The following ZNF804B variants were observed in gnomAD, a reference collection of about 807,000 sequenced individuals.
The protein encoded by ZNF804B is zinc finger protein 804B.
ZNF804B carries 80 observed loss-of-function variants against 101.4 expected under a neutral mutation model. That is an observed-to-expected ratio of 0.79 (90% CI 0.66 to 0.95). ZNF804B has a LOEUF of 0.95. Ranked by LOEUF, ZNF804B falls within the 40% of genes least tolerant of loss-of-function variation. The probability of loss-of-function intolerance (pLI) is 0.00; values close to 1 mark genes in which losing one functional copy is unlikely to be tolerated. For synonymous variants in ZNF804B, 622 were observed against 558.8 expected (o/e 1.11, Z -1.59); for missense variants, 1,673 against 1,561.9 (o/e 1.07, Z -1.20).
At chr7:88,854,537 T>TTCCTTTCCTTTCCTTCCCTTCCCTTC (rs774304273) in intron 1 of ZNF804B, among the ~76,000 whole-genome samples, 17 of 95,180 alleles carry the variant, frequency 1.8e-4, no homozygotes, top group East Asian at 9.4e-4. Flanking sequence ...TTTCCTTCCT[T>TTCCTTTCCTTTCCTTCCCTTCCCTTC]CCTTCCTTCC....
At chr7:89,201,369 C>T (rs917378937) in intron 1 of ZNF804B, among the ~76,000 whole-genome samples, 2 of 152,044 alleles carry the variant, frequency 1.3e-5, no homozygotes, top group East Asian at 1.9e-4. Context: ...TTGACCAATT[C>T]GAAGTGAACT....
At chr7:88,820,298 G>T (rs913279533) in intron 1 of ZNF804B, among the ~76,000 whole-genome samples, 13 of 152,126 alleles carry the variant, frequency 8.5e-5, no homozygotes, top group African/African-American at 2.4e-4. Context: ...TATGGTATGG[G>T]TATAATATTT....
intron 1 of ZNF804B, among the ~76,000 whole-genome samples, chr7:89,200,144 TGA>T (rs749642573): frequency 6.6e-6 from 1 of 151,854 alleles, no homozygotes; most frequent in Non-Finnish European, 1.5e-5. Flanking sequence ...TGAAGATCAT[TGA>T]GTTTGCATAT....
intron 1 of ZNF804B, among the ~76,000 whole-genome samples, chr7:88,856,764 A>T (rs1205459915): frequency 6.6e-6 from 1 of 152,086 alleles, no homozygotes; most frequent in Admixed American, 6.5e-5. Context: ...AGCTCTTATT[A>T]TTTTGAGATA....
At position 88,854,527 on chromosome 7, in the gene ZNF804B, T is replaced by TTTCCTTTCCTTCCCTTCCCTTCCCTTCCC. The variant is rs1791519535; in HGVS notation, c.108+94449_108+94450insTCCTTCCCTTCCCTTCCCTTCCCTTCCTT. 3.0e-4 allele frequency among the ~76,000 whole-genome samples: 12 copies of TTTCCTTTCCTTCCCTTCCCTTCCCTTCCC among 40,072 alleles called. 1 individual carries two copies. Among genetic ancestry groups the TTTCCTTTCCTTCCCTTCCCTTCCCTTCCC allele is most frequent in the African/African-American group, 1.0e-3 (10 of 9,624 alleles). 26.3% of individuals were successfully genotyped at this position (40,072 alleles called of 152,430 possible). ...CTTTCCTTTCCTTTCCTTTCCTTCC[T>TTTCCTTTCCTTCCCTTCCCTTCCCTTCCC]TTCCTTCCTTCCTTCCTTCCTTCCT... On this transcript the variant is annotated intron_variant, in intron 1 of 3. Transcript: ENST00000333190.
chr7:88,997,017 G>A (rs1400780190), intron 1 of ZNF804B, among the ~76,000 whole-genome samples: 1 of 152,064 alleles, frequency 6.6e-6, no homozygotes, highest in Admixed American at 6.6e-5. Flanking sequence ...ACATGCTGTA[G>A]CATGTAAAAA....
In ZNF804B at chr7:89,142,173, A is replaced by G. The variant is rs1790727545; in HGVS notation, c.109-75982A>G. 4.0e-5 allele frequency among the ~76,000 whole-genome samples: 6 copies of G among 151,752 alleles called. No homozygotes were observed. The South Asian group carries it at 1.2e-3, about 31-fold the overall frequency. The stretch of plus-strand genomic sequence containing the variant: ...GATTTCCCATCAAAACTCTTGCAAA[A>G]TTGCCTTTATTGGATGATAGGACTG... On this transcript the variant is annotated intron_variant, in intron 1 of 3. Transcript: ENST00000333190.
chr7:89,331,034 T>G (rs1018737820), intron 3 of ZNF804B, among the ~76,000 whole-genome samples: 3 of 151,168 alleles, frequency 2.0e-5, no homozygotes, highest in African/African-American at 7.3e-5. Context: ...TAATAAATAC[T>G]AAAATAACTG....
In ZNF804B at chr7:89,333,616, A is replaced by G. The variant is rs749309800; in HGVS notation, c.634A>G (p.Asn212Asp). ...QVLQTSSDLS[N>D]ANHRTGVSFT... is the part of the protein sequence containing the mutation. ...ACTGCAAACATCTTCAGATCTCAGCAATGCAAATCACAGAACAGGAGTATC... is the reference window on the plus strand; with the variant it reads ...ACTGCAAACATCTTCAGATCTCAGCGATGCAAATCACAGAACAGGAGTATC... Residue 212 changes from asparagine to aspartate, a missense_variant, in exon 4 of 4, where the codon AAT becomes GAT. Physicochemically the swap from Asn to Asp is conservative, Grantham distance 23. Transcript: ENST00000333190. The G allele has an allele frequency of 1.9e-6, 3 of 1,613,648 alleles. No individual in the cohort carries two copies. The South Asian group carries it at 3.3e-5, about 18-fold the overall frequency.
intron 1 of ZNF804B, among the ~76,000 whole-genome samples, chr7:88,972,947 C>T (rs957444218): frequency 6.6e-6 from 1 of 151,360 alleles, no homozygotes; most frequent in Non-Finnish European, 1.5e-5. Flanking sequence ...TGGGATTCTG[C>T]CCTCTGATAC....
chr7:89,201,912 T>C (rs1233515417), intron 1 of ZNF804B, among the ~76,000 whole-genome samples: 1 of 152,106 alleles, frequency 6.6e-6, no homozygotes, highest in African/African-American at 2.4e-5. Context: ...TCTGCTTAGG[T>C]ATGTACCTGT....
At chr7:89,104,531 G>T (rs1436668583) in intron 1 of ZNF804B, among the ~76,000 whole-genome samples, 1 of 152,022 alleles carries the variant, frequency 6.6e-6, no homozygotes, top group Non-Finnish European at 1.5e-5. Flanking sequence ...TGTGAATAGA[G>T]ATGTTCATAG....
At chr7:89,020,184 A>T (rs748270108) in intron 1 of ZNF804B, among the ~76,000 whole-genome samples, 1 of 152,048 alleles carries the variant, frequency 6.6e-6, no homozygotes, top group Non-Finnish European at 1.5e-5. Flanking sequence ...TCATGATGAT[A>T]TTTACTGTCT....
At chr7:88,784,071 A>T (rs6950169) in intron 1 of ZNF804B, among the ~76,000 whole-genome samples, 19,038 of 152,204 alleles carry the variant, frequency 0.13, 1,642 homozygotes, top group Middle Eastern at 0.21. Flanking sequence ...GTGAGATTTG[A>T]TTATAATTTG....
At chr7:89,284,406 C>T (rs1209372401) in intron 2 of ZNF804B, among the ~76,000 whole-genome samples, 2 of 152,160 alleles carry the variant, frequency 1.3e-5, no homozygotes, top group Non-Finnish European at 2.9e-5. Flanking sequence ...GCCAAAAGTG[C>T]TCTGCAAAGG....
At chr7:89,147,198 T>G (rs960179110) in intron 1 of ZNF804B, among the ~76,000 whole-genome samples, 4 of 151,742 alleles carry the variant, frequency 2.6e-5, no homozygotes, top group Non-Finnish European at 2.9e-5. Context: ...ACAAAGTGAT[T>G]CTGTGAGCAG....
chr7:89,155,854 A>G (rs1472770570), intron 1 of ZNF804B, among the ~76,000 whole-genome samples: 3 of 151,944 alleles, frequency 2.0e-5, no homozygotes, highest in African/African-American at 4.8e-5. Context: ...TTTCTAAAAA[A>G]TTCCTTGACC....
intron 1 of ZNF804B, among the ~76,000 whole-genome samples, chr7:88,835,830 A>C (rs1791208216): frequency 6.6e-6 from 1 of 151,992 alleles, no homozygotes; most frequent in Admixed American, 6.6e-5. Flanking sequence ...AATACCTAAA[A>C]GAAAAAGAAA....
intron 1 of ZNF804B, chr7:88,795,095 T>C (rs1355137825): frequency 3.4e-6 from 2 of 589,024 alleles, no homozygotes; most frequent in Non-Finnish European, 5.5e-6. Flanking sequence ...TGTTACTAAA[T>C]AGTAAAATCC....
Sources: allele counts gnomAD v4.1 joint callset (sites outside exome capture counted in the v4.1 genomes callset), GRCh38; gene constraint gnomAD v4.1.1; transcripts MANE v1.5; gene names NCBI Gene and HGNC (gene_info 2026-07-23, HGNC 2026-07-21).